SDHAF3: variants seen among roughly 807,000 people sequenced by gnomAD.
SDHAF3 encodes succinate dehydrogenase assembly factor 3, mitochondrial.
In SDHAF3, 18 loss-of-function variants were observed where a neutral mutation model predicts 11.5. The observed-to-expected ratio is 1.56, with a 90% CI of 1.08 to 2.32. The LOEUF (loss-of-function observed/expected upper bound fraction) is 2.32, where lower values mean the gene tolerates loss of function less well. Ranked by LOEUF, SDHAF3 falls within the 30% of genes most tolerant of loss-of-function variation. SDHAF3 has a pLI of 0.00. For synonymous variants in SDHAF3, 72 were observed against 59.3 expected, an observed-to-expected ratio of 1.21 and a Z score of -0.99; for missense variants, 200 against 154.4, an observed-to-expected ratio of 1.30 and a Z score of -1.57.
At chr7:97,127,550 T>C (rs1211430158) in intron 1 of SDHAF3, among the ~76,000 whole-genome samples, 1 of 152,224 alleles carries the variant, frequency 6.6e-6, no homozygotes, top group African/African-American at 2.4e-5. Context: ...TATACACATG[T>C]ATTATTAAGT....
intron 1 of SDHAF3, among the ~76,000 whole-genome samples, chr7:97,123,840 TG>T (rs1337184950): frequency 1.4e-5 from 2 of 141,580 alleles, no homozygotes; most frequent in Non-Finnish European, 3.2e-5. Flanking sequence ...CACTTTTGGA[TG>T]GGTTTTTTTT....
chr7:97,175,036 T>G (rs961703102), intron 1 of SDHAF3, among the ~76,000 whole-genome samples: 1 of 152,156 alleles, frequency 6.6e-6, no homozygotes. Flanking sequence ...CTTGTTGTTG[T>G]TGTTTTGGTA....
At chr7:97,154,944 G>A (rs1346626105) in intron 1 of SDHAF3, among the ~76,000 whole-genome samples, 1 of 152,110 alleles carries the variant, frequency 6.6e-6, no homozygotes, top group Non-Finnish European at 1.5e-5. Flanking sequence ...AAATCAATTA[G>A]GCATATTTGT....
chr7:97,166,189 G>GT (rs1413569826), intron 1 of SDHAF3, among the ~76,000 whole-genome samples: 4 of 152,306 alleles, frequency 2.6e-5, no homozygotes, highest in South Asian at 4.1e-4. Flanking sequence ...TAACTTAGTA[G>GT]TTTTTTGTCA....
chr7:97,139,174 G>T (rs1788988598), intron 1 of SDHAF3, among the ~76,000 whole-genome samples: 1 of 152,222 alleles, frequency 6.6e-6, no homozygotes. Flanking sequence ...TTCTTGTCCT[G>T]TGTCCAAGAA....
At chr7:97,158,253 T>C (rs1179585148) in intron 1 of SDHAF3, among the ~76,000 whole-genome samples, 1 of 152,184 alleles carries the variant, frequency 6.6e-6, no homozygotes, top group Non-Finnish European at 1.5e-5. Flanking sequence ...ATATGAAAGC[T>C]TTTACCCATG....
At chr7:97,179,803 A>G (rs1789742910) in intron 1 of SDHAF3, among the ~76,000 whole-genome samples, 1 of 150,176 alleles carries the variant, frequency 6.7e-6, no homozygotes. Context: ...ATAAAACTTG[A>G]AATGTTTTCA....
chr7:97,154,896 A>G (rs747769549), intron 1 of SDHAF3, among the ~76,000 whole-genome samples: 2 of 152,126 alleles, frequency 1.3e-5, no homozygotes, highest in Admixed American at 6.6e-5. Context: ...TTAAAAGACT[A>G]TTTCTCCTGC....
intron 1 of SDHAF3, among the ~76,000 whole-genome samples, chr7:97,163,357 G>A (rs1363793973): frequency 6.6e-6 from 1 of 152,054 alleles, no homozygotes; most frequent in Non-Finnish European, 1.5e-5. Flanking sequence ...GGCCAGGCTG[G>A]TCTTGAACTC....
chr7:97,147,751 A>G (rs1307428495), intron 1 of SDHAF3, among the ~76,000 whole-genome samples: 1 of 152,198 alleles, frequency 6.6e-6, no homozygotes, highest in African/African-American at 2.4e-5. Context: ...CAGTTTGGGC[A>G]TGGTTATAAA....
intron 1 of SDHAF3, among the ~76,000 whole-genome samples, chr7:97,166,395 A>C (rs1366635868): frequency 6.6e-6 from 1 of 151,798 alleles, no homozygotes; most frequent in Non-Finnish European, 1.5e-5. Context: ...TCATAGGGGG[A>C]ATTCAAAGAT....
At chr7:97,159,685 G>GA (rs532140570) in intron 1 of SDHAF3, among the ~76,000 whole-genome samples, 136 of 152,212 alleles carry the variant, frequency 8.9e-4, no homozygotes, top group South Asian at 2.1e-3. Flanking sequence ...AGTGTGGGCT[G>GA]ATGTCTTCAA....
intron 1 of SDHAF3, chr7:97,135,077 C>T (rs76757859): frequency 0.33 from 48,103 of 145,888 alleles, 7,785 homozygotes; most frequent in Non-Finnish European, 0.36. Context: ...TTTTTTTTTT[C>T]CCCCCAAGGA....
chr7:97,148,338 C>G (rs1789167862), intron 1 of SDHAF3, among the ~76,000 whole-genome samples: 1 of 152,090 alleles, frequency 6.6e-6, no homozygotes, highest in African/African-American at 2.4e-5. Context: ...AGATGGAGAC[C>G]AGTCTGGGCA....
chr7:97,153,008 A>G (rs1789250215), intron 1 of SDHAF3, among the ~76,000 whole-genome samples: 1 of 152,226 alleles, frequency 6.6e-6, no homozygotes, highest in African/African-American at 2.4e-5. Context: ...TTAGTTTTAC[A>G]AAGGTGATCT....
At chr7:97,118,037 C>T in intron 1 of SDHAF3, 140 bp downstream of exon 1, 1 of 1,053,238 alleles carries the variant, frequency 9.5e-7, no homozygotes, top group East Asian at 2.6e-5. Context: ...TCAGGTAACA[C>T]TTTCCAAAGT....
intron 1 of SDHAF3, among the ~76,000 whole-genome samples, chr7:97,136,631 G>T (rs909017636): frequency 6.6e-6 from 1 of 152,144 alleles, no homozygotes; most frequent in Admixed American, 6.5e-5. Context: ...AATGGGTAGT[G>T]TGAAGTTTTG....
At chr7:97,180,282 C>T (rs754201809) in intron 1 of SDHAF3, among the ~76,000 whole-genome samples, 4 of 151,994 alleles carry the variant, frequency 2.6e-5, no homozygotes, top group Non-Finnish European at 2.9e-5. Context: ...TACATGTCAC[C>T]GTGGAATACT....
intron 1 of SDHAF3, among the ~76,000 whole-genome samples, chr7:97,173,279 A>G (rs1228893677): frequency 6.6e-6 from 1 of 152,198 alleles, no homozygotes; most frequent in Non-Finnish European, 1.5e-5. Flanking sequence ...TTACATATGA[A>G]TATGTATATG....
Sources: allele counts gnomAD v4.1 joint callset (sites outside exome capture counted in the v4.1 genomes callset), GRCh38; gene constraint gnomAD v4.1.1; transcripts MANE v1.5; gene names NCBI Gene and HGNC (gene_info 2026-07-23, HGNC 2026-07-21).